Variants in SCARA5 observed in about 807,000 individuals in gnomAD.
SCARA5 encodes the protein scavenger receptor class A, member 5 (putative).
Under a neutral mutation model 46.3 loss-of-function variants are expected in SCARA5, and 45 were observed. The ratio of observed to expected loss-of-function variants is 0.97; its 90% confidence interval spans 0.76 to 1.24. The LOEUF (loss-of-function observed/expected upper bound fraction) is 1.24. Among genes scored for constraint, SCARA5 ranks in the 50% most tolerant of loss-of-function variants. The pLI is 0.00. For synonymous variants in SCARA5, 333 were observed against 306.5 expected (o/e 1.09, Z -0.90); for missense variants, 680 against 689.0 (o/e 0.99, Z 0.15).
rs746859608 is a variant in SCARA5, at chr8:27,907,186, A to C, written c.1058T>G (p.Leu353Arg). 6.2e-7 allele frequency: 1 copy of C among 1,613,608 alleles called. No individual in the cohort carries two copies. The highest frequency in any genetic ancestry group is 1.3e-5 in the African/African-American group (1 of 74,898). ...CATGCCCATTGGTCCTGTGGCCCCCAGCTTCCCATCATCGCCCTTGGGCCC... is the reference window on the plus strand; with the variant it reads ...CATGCCCATTGGTCCTGTGGCCCCCCGCTTCCCATCATCGCCCTTGGGCCC... The part of the protein sequence containing the change: ...LPGPKGDDGK[L>R]GATGPMGMRG... Residue 353 changes from leucine (L) to arginine (R), a missense_variant, in exon 6 of 9, where the codon CTG becomes CGG. Leu to Arg is a moderately radical substitution (Grantham distance 102). Around this residue, in one of 3 missense-constraint regions of SCARA5, gnomAD observed 219 missense variants for 269.5 expected, o/e 0.81. Coordinates refer to ENST00000354914, the MANE Select transcript of SCARA5 (RefSeq NM_173833.6).
At chr8:27,903,236 AC>A (rs564549764) in intron 7 of SCARA5, 1 of 152,208 alleles carries the variant, frequency 6.6e-6, no homozygotes, top group South Asian at 2.1e-4. Flanking sequence ...ACCTAGTGAG[AC>A]CAAGGAAGCA....
At chr8:27,915,718 C>T (rs138109009) in intron 4 of SCARA5, among the ~76,000 whole-genome samples, 105 of 152,090 alleles carry the variant, frequency 6.9e-4, no homozygotes, top group Middle Eastern at 3.4e-3. Context: ...TTTTTTTGTC[C>T]CAGCCAGGTC....
chr8:27,961,882 T>C (rs1050888306), intron 3 of SCARA5, among the ~76,000 whole-genome samples: 21 of 152,204 alleles, frequency 1.4e-4, no homozygotes, highest in Admixed American at 3.9e-4. Flanking sequence ...ATCTTTTTTT[T>C]CTACAAATAT....
At chr8:27,988,335 C>A (rs1211051485) in intron 1 of SCARA5, among the ~76,000 whole-genome samples, 1 of 152,238 alleles carries the variant, frequency 6.6e-6, no homozygotes, top group Non-Finnish European at 1.5e-5. Flanking sequence ...CCCCCAGAGG[C>A]TGACTCATTG....
chr8:27,960,660 C>T (rs1808280465), intron 3 of SCARA5, among the ~76,000 whole-genome samples: 1 of 152,150 alleles, frequency 6.6e-6, no homozygotes, highest in Admixed American at 6.5e-5. Context: ...AGTACAGCCT[C>T]GATTTGAACC....
In SCARA5 at chr8:27,966,398, A is replaced by C. The variant is rs773304364; in HGVS notation, c.241+16T>G. ...CCTCATCCCAAAAGACCAGGACAAAAATGGCCTGCTCTTACCTGCTAAGAT... is the reference window on the plus strand; with the variant it reads ...CCTCATCCCAAAAGACCAGGACAAACATGGCCTGCTCTTACCTGCTAAGAT... On this transcript the variant is annotated intron_variant, in intron 3 of 8. Coordinates refer to ENST00000354914, the MANE Select transcript of SCARA5 (RefSeq NM_173833.6). 4 of 1,587,924 alleles carry C rather than the reference A, an allele frequency of 2.5e-6. No individual in the cohort carries two copies. In the East Asian group the frequency reaches 9.0e-5, roughly 36 times the overall value.
chr8:27,906,050 T>C (rs576002353), intron 6 of SCARA5, among the ~76,000 whole-genome samples: 1 of 152,212 alleles, frequency 6.6e-6, no homozygotes, highest in African/African-American at 2.4e-5. Context: ...GCTTTTACAA[T>C]CTGTTTTAAA....
rs151040740 is a variant in SCARA5, at chr8:27,934,381, T to A, written c.242-12136A>T. 5.2e-3 allele frequency among the ~76,000 whole-genome samples: 797 copies of A among 152,342 alleles called. 6 individuals are homozygous for A. Among genetic ancestry groups the A allele is most frequent in the Middle Eastern group, 0.027 (8 of 294 alleles). ...GACCTGGGAGGTCGCACTGTTTCAC[T>A]TAAGCTCCCAGTTTGAAAACCAGAA... On this transcript the variant is annotated intron_variant, in intron 3 of 8. Coordinates refer to ENST00000354914, the MANE Select transcript of SCARA5 (RefSeq NM_173833.6).
At chr8:27,965,090 CGTT>C (rs1307445499) in intron 3 of SCARA5, among the ~76,000 whole-genome samples, 6 of 152,250 alleles carry the variant, frequency 3.9e-5, no homozygotes, top group African/African-American at 7.2e-5. Context: ...GAGGTTCTCT[CGTT>C]GTTGCTGTTG....
At chr8:27,947,646 C>T (rs1808058935) in intron 3 of SCARA5, among the ~76,000 whole-genome samples, 1 of 151,922 alleles carries the variant, frequency 6.6e-6, no homozygotes, top group African/African-American at 2.4e-5. Context: ...CGCCTGTAAT[C>T]CCAGCACTTT....
At chr8:27,875,717 C>T (rs1187236791) in intron 8 of SCARA5, among the ~76,000 whole-genome samples, 4 of 152,052 alleles carry the variant, frequency 2.6e-5, no homozygotes, top group South Asian at 2.1e-4. Flanking sequence ...ATTCTGAGAG[C>T]GATAAAAATC....
At chr8:27,874,978 T>C (rs1289957297) in intron 8 of SCARA5, among the ~76,000 whole-genome samples, 1 of 152,236 alleles carries the variant, frequency 6.6e-6, no homozygotes, top group Non-Finnish European at 1.5e-5. Context: ...TGGGTCTTTC[T>C]TGGCTTCCCC....
At chr8:27,938,881 T>C (rs1031568404) in intron 3 of SCARA5, among the ~76,000 whole-genome samples, 5 of 152,216 alleles carry the variant, frequency 3.3e-5, no homozygotes, top group African/African-American at 1.2e-4. Context: ...TTTATATATA[T>C]ATATTTCTTA....
At chr8:27,952,980 T>C (rs991478477) in intron 3 of SCARA5, among the ~76,000 whole-genome samples, 2 of 152,186 alleles carry the variant, frequency 1.3e-5, no homozygotes, top group Non-Finnish European at 2.9e-5. Context: ...TTAGAGCAGA[T>C]CACTTTTGCA....
intron 3 of SCARA5, among the ~76,000 whole-genome samples, chr8:27,944,705 GAA>G (rs11368469): frequency 7.9e-5 from 11 of 138,950 alleles, no homozygotes; most frequent in African/African-American, 2.9e-4. Context: ...TGTAAAAATA[GAA>G]AAAAAAAAAA....
At chr8:27,974,304 G>A (rs563481353) in intron 2 of SCARA5, among the ~76,000 whole-genome samples, 1 of 152,246 alleles carries the variant, frequency 6.6e-6, no homozygotes, top group Non-Finnish European at 1.5e-5. Flanking sequence ...TCCTTTCCTT[G>A]AAAAACTAAT....
chr8:27,926,020 C>T (rs1467674264), intron 3 of SCARA5, among the ~76,000 whole-genome samples: 2 of 152,166 alleles, frequency 1.3e-5, no homozygotes, highest in African/African-American at 4.8e-5. Flanking sequence ...ATTAGTTCAA[C>T]CATCGTGGAA....
chr8:27,902,350 G>A (rs918548138), intron 7 of SCARA5, among the ~76,000 whole-genome samples: 4 of 150,274 alleles, frequency 2.7e-5, no homozygotes, highest in Admixed American at 6.6e-5. Flanking sequence ...AGGGAGCCCC[G>A]CACCCCTGTG....
chr8:27,958,909 G>C (rs1808248145), intron 3 of SCARA5, among the ~76,000 whole-genome samples: 1 of 152,120 alleles, frequency 6.6e-6, no homozygotes, highest in African/African-American at 2.4e-5. Flanking sequence ...TTGGATGTAG[G>C]GTCGTGTATC....
Sources: gnomAD v4.1 joint callset for allele counts (sites outside exome capture counted in the v4.1 genomes callset) on GRCh38, gnomAD v4.1.1 for gene constraint, gnomAD v4.1.1 regional missense constraint, MANE v1.5 for transcripts, NCBI Gene and HGNC (gene_info 2026-07-23, HGNC 2026-07-21) for gene names.